Variants in ANXA13 observed in about 807,000 individuals in gnomAD.
ANXA13 encodes annexin A13.
In ANXA13, 36 loss-of-function variants were observed where a neutral mutation model predicts 46.6. That is an observed-to-expected ratio of 0.77 (90% CI 0.59 to 1.02). The LOEUF (loss-of-function observed/expected upper bound fraction) is 1.02, where lower values mean the gene tolerates loss of function less well. Ranked by LOEUF, ANXA13 falls within the 50% of genes least tolerant of loss-of-function variation. The probability of loss-of-function intolerance (pLI) is 0.00; values close to 1 mark genes in which losing one functional copy is unlikely to be tolerated. For synonymous variants in ANXA13, 163 were observed against 152.9 expected (o/e 1.07, Z -0.49); for missense variants, 417 against 396.5 (o/e 1.05, Z -0.44).
intron 1 of ANXA13, among the ~76,000 whole-genome samples, chr8:123,730,256 C>T (rs1455161677): frequency 3.3e-5 from 5 of 152,150 alleles, no homozygotes; most frequent in Non-Finnish European, 1.5e-5. Context: ...TTGTTACTCC[C>T]TTGTCTGATT....
chr8:123,701,314 A>G (rs1813443001), intron 3 of ANXA13, among the ~76,000 whole-genome samples: 1 of 152,114 alleles, frequency 6.6e-6, no homozygotes, highest in Non-Finnish European at 1.5e-5. Context: ...TACTAAAAAC[A>G]CAAAAATTAG....
At chr8:123,682,293 TA>T (rs1367785725) in intron 10 of ANXA13, among the ~76,000 whole-genome samples, 2 of 152,086 alleles carry the variant, frequency 1.3e-5, no homozygotes, top group Non-Finnish European at 2.9e-5. Flanking sequence ...AGGAGAAAAA[TA>T]AATCCAAAGA....
At chr8:123,728,352 T>C (rs1037388059) in intron 1 of ANXA13, 1 of 152,156 alleles carries the variant, frequency 6.6e-6, no homozygotes, top group Non-Finnish European at 1.5e-5. Context: ...AGTGGTTGTG[T>C]GGAGATGATG....
chr8:123,690,449 C>T lies in ANXA13; in HGVS notation c.643-1503G>A, dbSNP rs1038997411. ...TTTTTCCTTGCACAACTCCAGGAGG[C>T]GCTATTCACACACTGCAACAAGAAG... is the stretch of plus-strand genomic sequence containing the variant. On this transcript the variant is annotated intron_variant, in intron 8 of 10. Transcript: ENST00000419625. This position sits in a 1 kb window ranked among gnomAD's most constrained non-coding sequence, Gnocchi z 4.6. 2.7e-4 allele frequency among the ~76,000 whole-genome samples: 41 copies of T among 152,250 alleles called. No homozygotes were observed. The highest frequency in any genetic ancestry group is 8.4e-4 in the African/African-American group (35 of 41,552).
At chr8:123,720,657 C>CGTGTGTGTGTGTGT (rs34135339) in intron 1 of ANXA13, among the ~76,000 whole-genome samples, 105 of 141,518 alleles carry the variant, frequency 7.4e-4, no homozygotes, top group Admixed American at 3.4e-3. Flanking sequence ...CCTGTGTCCC[C>CGTGTGTGTGTGTGT]GTGTGTGTGT....
Position 123,698,533 on chromosome 8 carries a change from C to T in ANXA13, c.213G>A (p.Glu71=), listed in dbSNP as rs1261184704. The T allele has an allele frequency of 1.2e-6, 2 of 1,614,206 alleles. No homozygotes were observed. The highest frequency in any genetic ancestry group is 1.7e-5 in the Admixed American group (1 of 60,034). ...GKELEEVLKS[E]LSGNFEKTAL... is the part of the protein sequence containing the mutation. ...CTGTCTTCTCGAAGTTTCCACTCAG[C>T]TCACTCTTGAGTACTTCCTCCAGCT... The change falls in exon 4 of 11, where the codon GAG becomes GAA. Residue 71 remains glutamate, a synonymous_variant. Coordinates refer to ENST00000419625, the MANE Select transcript of ANXA13 (RefSeq NM_004306.4).
chr8:123,698,511 T>C lies in ANXA13; in HGVS notation c.235A>G (p.Thr79Ala). 6.2e-7 allele frequency: 1 copy of C among 1,614,182 alleles called. No homozygotes were observed. Among genetic ancestry groups the C allele is most frequent in the Non-Finnish European group, 8.5e-7 (1 of 1,180,008 alleles). The part of the protein sequence containing the change: ...KSELSGNFEK[T>A]ALALLDRPSE... Reference sequence around the variant, plus strand: ...GGACGGTCCAGAAGGGCCAACGCTGTCTTCTCGAAGTTTCCACTCAGCTCA... The same window carrying C: ...GGACGGTCCAGAAGGGCCAACGCTGCCTTCTCGAAGTTTCCACTCAGCTCA... Residue 79 changes from threonine to alanine, a missense_variant, in exon 4 of 11, where the codon ACA becomes GCA. Transcript: ENST00000419625.
chr8:123,712,859 G>T, intron 1 of ANXA13, 106 bp from the exon 2 acceptor site: 2 of 943,020 alleles, frequency 2.1e-6, no homozygotes, highest in Non-Finnish European at 1.7e-6. Context: ...TCCTAACCAG[G>T]GACCAGCTGT....
At chr8:123,705,132 A>T (rs6470178) in intron 2 of ANXA13, among the ~76,000 whole-genome samples, 66,657 of 152,096 alleles carry the variant, frequency 0.44, 16,460 homozygotes, top group African/African-American at 0.67. Context: ...AGGGCCCATC[A>T]GTCTTTTTTA....
rs1472398123 is a variant in ANXA13 at position 123,737,391 on chromosome 8, G to A, written c.-57C>T. 2 of 1,448,186 alleles carry A rather than the reference G, an allele frequency of 1.4e-6. No individual in the cohort carries two copies. Among genetic ancestry groups the A allele is most frequent in the African/African-American group, 3.3e-5 (2 of 60,476 alleles). The allele number at this position is 1,448,186 out of a possible 1,614,324, so 89.7% of individuals were successfully genotyped here. On this transcript the variant is annotated 5_prime_UTR_variant, in exon 1 of 11. Coordinates refer to ENST00000419625, the MANE Select transcript of ANXA13 (RefSeq NM_004306.4). ...TCATCAAGAGATCAGTCCTCCTACA[G>A]GCAAAGTTTACAACAGTTTTCCCCC... is the stretch of plus-strand genomic sequence containing the variant.
intron 1 of ANXA13, among the ~76,000 whole-genome samples, chr8:123,717,838 C>T (rs1432237854): frequency 6.6e-6 from 1 of 152,236 alleles, no homozygotes; most frequent in African/African-American, 2.4e-5. Context: ...CCACACCTTA[C>T]GTAACCACGC....
chr8:123,719,378 C>A (rs1813818700), intron 1 of ANXA13, among the ~76,000 whole-genome samples: 1 of 152,114 alleles, frequency 6.6e-6, no homozygotes, highest in Admixed American at 6.5e-5. Context: ...CTTCCTTGAA[C>A]AAACAAGTAC....
intron 2 of ANXA13, among the ~76,000 whole-genome samples, chr8:123,710,747 C>G (rs1813641935): frequency 6.6e-6 from 1 of 152,154 alleles, no homozygotes; most frequent in Admixed American, 6.5e-5. Context: ...GGCTGTCTTA[C>G]TTAAAATGTC....
At chr8:123,731,241 A>G (rs1814111628) in intron 1 of ANXA13, among the ~76,000 whole-genome samples, 1 of 152,160 alleles carries the variant, frequency 6.6e-6, no homozygotes, top group Admixed American at 6.5e-5. Context: ...TTTGAAAACT[A>G]CTGCACTAGA....
chr8:123,715,036 A>G (rs1813735861), intron 1 of ANXA13, among the ~76,000 whole-genome samples: 1 of 152,200 alleles, frequency 6.6e-6, no homozygotes, highest in Admixed American at 6.5e-5. Context: ...GAGGGGTCGG[A>G]TGACTCTGGA....
intron 1 of ANXA13, among the ~76,000 whole-genome samples, chr8:123,730,522 A>G (rs1232389188): frequency 6.6e-6 from 1 of 152,192 alleles, no homozygotes; most frequent in African/African-American, 2.4e-5. Context: ...TAGGTTGAAC[A>G]GTATCACCCC....
chr8:123,723,010 G>A (rs1369052465), intron 1 of ANXA13, among the ~76,000 whole-genome samples: 1 of 152,192 alleles, frequency 6.6e-6, no homozygotes, highest in African/African-American at 2.4e-5. Flanking sequence ...AAGACACGAA[G>A]CCAGTGGGAT....
chr8:123,682,496 G>A (rs1245013345), intron 10 of ANXA13, among the ~76,000 whole-genome samples: 1 of 152,212 alleles, frequency 6.6e-6, no homozygotes, highest in African/African-American at 2.4e-5. Context: ...GTGTGGCTCA[G>A]GGATCTGATT....
chr8:123,718,043 T>A (rs1813793216), intron 1 of ANXA13, among the ~76,000 whole-genome samples: 1 of 152,196 alleles, frequency 6.6e-6, no homozygotes, highest in South Asian at 2.1e-4. Flanking sequence ...TCCTCGAGTG[T>A]TTTTCCAGCT....
Sources: allele counts gnomAD v4.1 joint callset (sites outside exome capture counted in the v4.1 genomes callset), GRCh38; gene constraint gnomAD v4.1.1; non-coding constraint Gnocchi (gnomAD v3.1); transcripts MANE v1.5; gene names NCBI Gene and HGNC (gene_info 2026-07-23, HGNC 2026-07-21).